The following PRKG2 variants were observed in gnomAD, a reference collection of about 807,000 sequenced individuals.
PRKG2 encodes protein kinase cGMP-dependent 2, also known as cGMP-dependent protein kinase 2.
PRKG2 carries 33 observed loss-of-function variants against 97.2 expected under a neutral mutation model. The ratio of observed to expected loss-of-function variants is 0.34; its 90% CI spans 0.26 to 0.45. The LOEUF (loss-of-function observed/expected upper bound fraction) is 0.45, where lower values mean the gene tolerates loss of function less well. Ranked by LOEUF, PRKG2 falls within the 20% of genes least tolerant of loss-of-function variation. The pLI is 1.00. For missense variants in PRKG2, 638 were observed against 900.0 expected, an observed-to-expected ratio of 0.71 and a Z score of 3.73; for synonymous variants, 330 against 321.8, an observed-to-expected ratio of 1.03 and a Z score of -0.27.
chr4:81,207,445 AC>A (rs1218669558), intron 1 of PRKG2, among the ~76,000 whole-genome samples: 1 of 152,216 alleles, frequency 6.6e-6, no homozygotes, highest in East Asian at 1.9e-4. Flanking sequence ...AAAATTGTTT[AC>A]TAAGACCAAA....
intron 14 of PRKG2, among the ~76,000 whole-genome samples, chr4:81,134,766 T>G (rs1215669317): frequency 6.6e-6 from 1 of 152,148 alleles, no homozygotes; most frequent in Admixed American, 6.6e-5. Context: ...CTTCTCTTTA[T>G]ATATACACAG....
intron 12 of PRKG2, 26 bp from the exon 13 acceptor site, chr4:81,137,508 T>G: frequency 6.4e-7 from 1 of 1,559,538 alleles, no homozygotes; most frequent in Non-Finnish European, 8.8e-7. Flanking sequence ...AAAACATGGT[T>G]ATTATTGGAA....
chr4:81,177,116 C>A (rs1388581572), intron 2 of PRKG2, among the ~76,000 whole-genome samples: 1 of 152,084 alleles, frequency 6.6e-6, no homozygotes, highest in Non-Finnish European at 1.5e-5. Flanking sequence ...CACCAAGAAA[C>A]CCCTCATGAT....
rs1290208290 is a variant in PRKG2, at chr4:81,091,529, C to T, written c.2193+857G>A. Among the ~76,000 whole-genome samples, 3 of 151,974 alleles carry T rather than the reference C, an allele frequency of 2.0e-5. 1 individual carries two copies. The highest frequency in any genetic ancestry group is 2.0e-4 in the Admixed American group (3 of 15,260). ...CGATCTCCTGACCTCGTGATCCGCC[C>T]GCCTCGGCCTCCTAAAGTGCTAGGA... On this transcript the variant is annotated intron_variant, in intron 18 of 18. Transcript: ENST00000264399.
intron 6 of PRKG2, among the ~76,000 whole-genome samples, chr4:81,159,115 C>T (rs1203709764): frequency 1.3e-5 from 2 of 152,184 alleles, no homozygotes; most frequent in Non-Finnish European, 2.9e-5. Flanking sequence ...CAAATGGGAT[C>T]TAATTCAACT....
chr4:81,180,126 T>TC (rs776645081), intron 2 of PRKG2, among the ~76,000 whole-genome samples: 4 of 151,670 alleles, frequency 2.6e-5, no homozygotes, highest in Non-Finnish European at 2.9e-5. Flanking sequence ...AGAGTGAAAC[T>TC]CCATCTCAAA....
At chr4:81,155,882 G>A (rs1749040672) in intron 6 of PRKG2, among the ~76,000 whole-genome samples, 1 of 151,968 alleles carries the variant, frequency 6.6e-6, no homozygotes, top group Non-Finnish European at 1.5e-5. Context: ...CAAATGCTGA[G>A]AGATTTCATC....
chr4:81,193,709 G>C (rs183132212), intron 2 of PRKG2, among the ~76,000 whole-genome samples: 1 of 152,066 alleles, frequency 6.6e-6, no homozygotes, highest in African/African-American at 2.4e-5. Context: ...GTGTGGTGGT[G>C]GGCGCCCGTA....
At position 81,127,658 on chromosome 4, in the gene PRKG2, T is replaced by G. The variant is rs1376519399; in HGVS notation, c.1776+7497A>C. 2.0e-5 allele frequency among the ~76,000 whole-genome samples: 3 copies of G among 152,158 alleles called. No individual in the cohort carries two copies. In the East Asian group the frequency reaches 5.8e-4, roughly 29 times the overall value. On this transcript the variant is annotated intron_variant, in intron 14 of 18. Transcript: ENST00000264399. ...TGTATTACTGGTGTATAAGAATGCT[T>G]CTAATTTTGACACATAGATTTTGTA...
At chr4:81,107,905 T>C (rs1339134574) in intron 15 of PRKG2, among the ~76,000 whole-genome samples, 1 of 152,132 alleles carries the variant, frequency 6.6e-6, no homozygotes, top group East Asian at 1.9e-4. Flanking sequence ...TATACTTTGC[T>C]TTCAAAAACA....
chr4:81,115,259 C>T (rs189665985), intron 14 of PRKG2, among the ~76,000 whole-genome samples: 2 of 152,262 alleles, frequency 1.3e-5, no homozygotes, highest in Admixed American at 6.5e-5. Flanking sequence ...TACATCTTCA[C>T]CATCATTTAG....
chr4:81,213,718 A>G (rs1754124608), intron 1 of PRKG2, among the ~76,000 whole-genome samples: 1 of 152,190 alleles, frequency 6.6e-6, no homozygotes, highest in Non-Finnish European at 1.5e-5. Flanking sequence ...AATTCATAGG[A>G]AAAATAGCCT....
At chr4:81,214,674 C>T (rs1320830207) in intron 1 of PRKG2, among the ~76,000 whole-genome samples, 1 of 152,148 alleles carries the variant, frequency 6.6e-6, no homozygotes, top group East Asian at 1.9e-4. Context: ...GGGGCTGAGC[C>T]CCTCCCGCCC....
intron 2 of PRKG2, among the ~76,000 whole-genome samples, chr4:81,177,572 G>A (rs1246955608): frequency 6.6e-6 from 1 of 152,054 alleles, no homozygotes; most frequent in African/African-American, 2.4e-5. Flanking sequence ...GCATGGTGGT[G>A]GGTGCCTGTA....
chr4:81,206,132 C>T (rs1047251635), intron 1 of PRKG2, among the ~76,000 whole-genome samples: 86 of 152,200 alleles, frequency 5.7e-4, no homozygotes, highest in African/African-American at 2.0e-3. Context: ...AGCAGACTCA[C>T]AAAAGTAGAA....
chr4:81,158,831 AAAAC>A (rs1364456220), intron 6 of PRKG2, among the ~76,000 whole-genome samples: 2 of 152,136 alleles, frequency 1.3e-5, no homozygotes, highest in Admixed American at 6.5e-5. Flanking sequence ...AAACCTGAGA[AAAAC>A]AAGCAATGGG....
chr4:81,197,627 T>G (rs1038622485), intron 2 of PRKG2, among the ~76,000 whole-genome samples: 3 of 152,126 alleles, frequency 2.0e-5, no homozygotes, highest in Non-Finnish European at 4.4e-5. Flanking sequence ...ACTTACCAGA[T>G]AGGTTAACTG....
intron 6 of PRKG2, among the ~76,000 whole-genome samples, chr4:81,157,362 C>A (rs1358127030): frequency 2.0e-5 from 3 of 152,304 alleles, no homozygotes; most frequent in Non-Finnish European, 2.9e-5. Context: ...TACATACACT[C>A]TCCCAAGACT....
intron 15 of PRKG2, 27 bp downstream of exon 15, chr4:81,110,421 G>A: frequency 6.3e-7 from 1 of 1,593,216 alleles, no homozygotes; most frequent in Non-Finnish European, 8.5e-7. Flanking sequence ...CTGAAGAGGT[G>A]GCTGCATAAA....
Sources: gnomAD v4.1 joint callset for allele counts (sites outside exome capture counted in the v4.1 genomes callset) on GRCh38, gnomAD v4.1.1 for gene constraint, MANE v1.5 for transcripts, NCBI Gene and HGNC (gene_info 2026-07-23, HGNC 2026-07-21) for gene names.